The following BICD1 variants were observed in gnomAD, a reference collection of about 807,000 sequenced individuals.
BICD1 encodes the protein protein bicaudal D homolog 1.
BICD1 carries 35 observed loss-of-function variants against 92.5 expected under a neutral mutation model. The ratio of observed to expected loss-of-function variants is 0.38; its 90% CI spans 0.29 to 0.50. The LOEUF is 0.50. Ranked by LOEUF, BICD1 falls within the 20% of genes least tolerant of loss-of-function variation. The pLI, the probability that BICD1 is intolerant of heterozygous loss-of-function variation, is 0.93. For synonymous variants in BICD1, 429 were observed against 465.1 expected (o/e 0.92, Z 1.00); for missense variants, 950 against 1,189.8 (o/e 0.80, Z 2.97).
chr12:32,328,643 A>G lies in BICD1; in HGVS notation c.2100+88A>G, dbSNP rs3748276. On this transcript the variant is annotated intron_variant, in intron 5 of 9. Coordinates refer to ENST00000652176, the MANE Select transcript of BICD1 (RefSeq NM_001714.4). The surrounding 1 kb of genome is among the most constrained non-coding windows in gnomAD (Gnocchi z 4.4). ...ATTTTATTGAGTATCGAGTATCGTC[A>G]AGATGAGAGTTCAGATTCTTGGTAA... 0.23 allele frequency: 336,134 copies of G among 1,491,688 alleles called. 42,555 individuals carry two copies. Among genetic ancestry groups the G allele is most frequent in the East Asian group, 0.65 (28,515 of 43,908 alleles). The allele number at this position is 1,491,688 out of a possible 1,614,324, so 92.4% of individuals were successfully genotyped here. A position where few individuals can be genotyped will look rare whatever the true frequency, so the allele number is the denominator to read the frequency against.
chr12:32,346,679 CACAT>C (rs1200223157), intron 8 of BICD1, among the ~76,000 whole-genome samples: 67 of 130,814 alleles, frequency 5.1e-4, no homozygotes, highest in African/African-American at 1.7e-3. Flanking sequence ...CGCACACACA[CACAT>C]ACACATACAT....
intron 1 of BICD1, among the ~76,000 whole-genome samples, chr12:32,151,813 C>T (rs1323612952): frequency 1.3e-5 from 2 of 152,198 alleles, no homozygotes; most frequent in Non-Finnish European, 2.9e-5. Context: ...TCTGCCTGCA[C>T]ATCTGCTTCT....
In BICD1 at chr12:32,117,755, TATA is replaced by T. The variant is rs201553980; in HGVS notation, c.213+10212_213+10214del. 3.1e-3 allele frequency among the ~76,000 whole-genome samples: 363 copies of T among 118,638 alleles called. 5 individuals are homozygous for T. Among genetic ancestry groups the T allele is most frequent in the East Asian group, 0.026 (107 of 4,168 alleles). 77.8% of individuals were successfully genotyped at this position (118,638 alleles called of 152,430 possible). A position where few individuals can be genotyped will look rare whatever the true frequency, so the allele number is the denominator to read the frequency against. On this transcript the variant is annotated intron_variant, in intron 1 of 9. Transcript: ENST00000652176. Reference sequence around the variant, plus strand: ...ACACACATATATATATATATATATATATATTTTTTTTTAAGACCATATTTCGCT... The same window carrying T: ...ACACACATATATATATATATATATATTTTTTTTTTAAGACCATATTTCGCT...
intron 2 of BICD1, among the ~76,000 whole-genome samples, chr12:32,265,727 A>G (rs1228920348): frequency 6.6e-6 from 1 of 151,218 alleles, no homozygotes. Context: ...TTAAAAAAAA[A>G]AAAAAAGACA....
intron 1 of BICD1, among the ~76,000 whole-genome samples, chr12:32,137,392 G>A (rs373367932): frequency 4.9e-4 from 74 of 152,142 alleles, no homozygotes; most frequent in Non-Finnish European, 8.1e-4. Context: ...CCTGGCCTAA[G>A]GTTAATTGTT....
At chr12:32,164,921 G>T (rs191327458) in intron 1 of BICD1, among the ~76,000 whole-genome samples, 20 of 152,256 alleles carry the variant, frequency 1.3e-4, no homozygotes, top group African/African-American at 4.6e-4. Context: ...TGACAACTGC[G>T]CATCCTGACA....
chr12:32,360,046 G>A (rs563225332), intron 8 of BICD1, among the ~76,000 whole-genome samples: 16 of 152,190 alleles, frequency 1.1e-4, no homozygotes, highest in East Asian at 3.9e-4. Flanking sequence ...TTAGCCAGGC[G>A]TGGTGGTGGG....
intron 1 of BICD1, 134 bp downstream of exon 1, chr12:32,107,678 G>C: frequency 1.0e-6 from 1 of 990,764 alleles, no homozygotes; most frequent in Non-Finnish European, 1.5e-6. Context: ...TTGTTGGTAA[G>C]AGAAGATTGA....
chr12:32,320,275 T>C (rs1416404125), intron 4 of BICD1, among the ~76,000 whole-genome samples: 1 of 151,706 alleles, frequency 6.6e-6, no homozygotes, highest in Non-Finnish European at 1.5e-5. Context: ...GAAAGCCAAG[T>C]TGGCAGGATT....
chr12:32,279,595 A>G (rs1947363569), intron 2 of BICD1, among the ~76,000 whole-genome samples: 1 of 152,252 alleles, frequency 6.6e-6, no homozygotes, highest in Admixed American at 6.5e-5. Flanking sequence ...ATTTATTTCA[A>G]CTGTTTAAAA....
intron 5 of BICD1, among the ~76,000 whole-genome samples, chr12:32,330,681 T>G (rs1310203299): frequency 6.6e-6 from 1 of 151,990 alleles, no homozygotes; most frequent in African/African-American, 2.4e-5. Flanking sequence ...AAGGAATTTA[T>G]TATTGTAACT....
intron 5 of BICD1, chr12:32,332,807 A>G: frequency 1.0e-6 from 1 of 956,262 alleles, no homozygotes; most frequent in Non-Finnish European, 1.2e-6. Context: ...GAGTGACAAA[A>G]TAGAATAATA....
At chr12:32,146,841 T>C (rs868857973) in intron 1 of BICD1, among the ~76,000 whole-genome samples, 23 of 94,832 alleles carry the variant, frequency 2.4e-4, no homozygotes, top group East Asian at 7.8e-4. Context: ...CTCCCTTCCT[T>C]CCTTCCTTCT....
intron 2 of BICD1, among the ~76,000 whole-genome samples, chr12:32,238,985 G>C (rs922975003): frequency 1.0e-4 from 15 of 147,494 alleles, no homozygotes; most frequent in Non-Finnish European, 2.1e-4. Context: ...AGTGGCTCAC[G>C]CCTGTAATCC....
intron 1 of BICD1, among the ~76,000 whole-genome samples, chr12:32,117,735 C>CACACACATATAT (rs1268394426): frequency 1.5e-5 from 2 of 134,518 alleles, no homozygotes; most frequent in African/African-American, 5.5e-5. Context: ...CACACACACA[C>CACACACATATAT]ATATATATAT....
intron 1 of BICD1, among the ~76,000 whole-genome samples, chr12:32,111,149 GATACCGT>G (rs1219965776): frequency 6.6e-6 from 1 of 152,100 alleles, no homozygotes; most frequent in Non-Finnish European, 1.5e-5. Context: ...TTGCAGCTTG[GATACCGT>G]AAACTATGCA....
chr12:32,278,092 A>C (rs764565372), intron 2 of BICD1, among the ~76,000 whole-genome samples: 31 of 152,198 alleles, frequency 2.0e-4, no homozygotes, highest in Non-Finnish European at 3.4e-4. Context: ...AAGTCTATGA[A>C]GGTGAGATGA....
intron 8 of BICD1, among the ~76,000 whole-genome samples, chr12:32,366,999 G>T (rs1939547936): frequency 6.6e-6 from 1 of 151,992 alleles, no homozygotes; most frequent in Non-Finnish European, 1.5e-5. Context: ...ACTTTAAAAT[G>T]GTAAAAACAA....
chr12:32,371,996 C>T (rs1240880004), intron 9 of BICD1, among the ~76,000 whole-genome samples: 1 of 152,206 alleles, frequency 6.6e-6, no homozygotes, highest in Non-Finnish European at 1.5e-5. Context: ...CCTACCACCA[C>T]AGGTGGCTGC....
Sources: gnomAD v4.1 joint callset for allele counts (sites outside exome capture counted in the v4.1 genomes callset) on GRCh38, gnomAD v4.1.1 for gene constraint, Gnocchi (gnomAD v3.1) non-coding constraint, MANE v1.5 for transcripts, NCBI Gene and HGNC (gene_info 2026-07-23, HGNC 2026-07-21) for gene names.